PRKAR2A: variants seen among roughly 807,000 people sequenced by gnomAD.
PRKAR2A encodes the protein protein kinase cAMP-dependent type II regulatory subunit alpha.
A neutral mutation model predicts 51.9 loss-of-function variants in PRKAR2A; 29 were observed. The observed-to-expected ratio is 0.56, with a 90% CI of 0.42 to 0.76. The LOEUF is 0.76. Ranked by LOEUF, PRKAR2A falls within the 30% of genes least tolerant of loss-of-function variation. The pLI is 0.00. For missense variants in PRKAR2A, 445 were observed against 512.1 expected (o/e 0.87, Z 1.26); for synonymous variants, 178 against 186.2 (o/e 0.96, Z 0.36).
intron 6 of PRKAR2A, 100 bp downstream of exon 6, chr3:48,772,855 G>C (rs997079884): frequency 5.5e-5 from 68 of 1,231,474 alleles, no homozygotes; most frequent in Non-Finnish European, 7.0e-5. Flanking sequence ...TGTTAGCCAG[G>C]ATGGCTGTAA....
At chr3:48,842,011 C>A (rs909095541) in intron 1 of PRKAR2A, among the ~76,000 whole-genome samples, 1 of 152,084 alleles carries the variant, frequency 6.6e-6, no homozygotes, top group Non-Finnish European at 1.5e-5. Context: ...GACAGTATGG[C>A]CATTTTCACT....
At position 48,751,136 on chromosome 3, in the gene PRKAR2A, G is replaced by T; in HGVS notation, c.*449C>A. ...TGGACTTCCTCAAAGGACAAATGAG[G>T]AGACTGAAGGCTACATTTCCTCCTT... On this transcript the variant is annotated 3_prime_UTR_variant, in exon 11 of 11. Coordinates refer to ENST00000265563, the MANE Select transcript of PRKAR2A (RefSeq NM_004157.4). 2.8e-6 allele frequency: 1 copy of T among 358,722 alleles called. No homozygotes were observed. Among genetic ancestry groups the T allele is most frequent in the Non-Finnish European group, 5.5e-6 (1 of 181,696 alleles). 22.2% of individuals were successfully genotyped at this position (358,722 alleles called of 1,614,324 possible).
At position 48,790,631 on chromosome 3, in the gene PRKAR2A, C is replaced by T. The variant is rs372227280; in HGVS notation, c.352-4G>A. On this transcript the variant is annotated splice_polypyrimidine_tract_variant and splice_region_variant and intron_variant, in intron 3 of 10. Transcript: ENST00000265563. ...CATCAGTTTTAGGATGAATCACCTGCCAATCCAAATAAAACCATGGAAACT... is the reference window on the plus strand; with the variant it reads ...CATCAGTTTTAGGATGAATCACCTGTCAATCCAAATAAAACCATGGAAACT... 426 of 1,437,798 alleles carry T rather than the reference C, an allele frequency of 3.0e-4. No individual in the cohort carries two copies. The highest frequency in any genetic ancestry group is 3.6e-4 in the Non-Finnish European group (395 of 1,085,094). The allele number at this position is 1,437,798 out of a possible 1,614,324, so 89.1% of individuals were successfully genotyped here. A position where few individuals can be genotyped will look rare whatever the true frequency, so the allele number is the denominator to read the frequency against.
intron 1 of PRKAR2A, among the ~76,000 whole-genome samples, chr3:48,837,994 C>G (rs1206193928): frequency 1.3e-5 from 2 of 151,888 alleles, no homozygotes; most frequent in Non-Finnish European, 2.9e-5. Context: ...CTGGCTAACA[C>G]AGGGAAACCC....
intron 5 of PRKAR2A, among the ~76,000 whole-genome samples, chr3:48,781,422 A>G (rs542806098): frequency 1.4e-4 from 21 of 147,746 alleles, no homozygotes; most frequent in Admixed American, 6.1e-4. Flanking sequence ...GCTCACTGTA[A>G]CCTCCACCTC....
chr3:48,789,539 G>C (rs1176859813), intron 4 of PRKAR2A, among the ~76,000 whole-genome samples: 1 of 148,212 alleles, frequency 6.7e-6, no homozygotes, highest in African/African-American at 2.5e-5. Context: ...CACCCAGGCT[G>C]GAGTGCAATG....
chr3:48,847,329 G>A lies in PRKAR2A; in HGVS notation c.262+6C>T, dbSNP rs1482867966. 1.8e-5 allele frequency: 29 copies of A among 1,613,248 alleles called. No homozygotes were observed. The highest frequency in any genetic ancestry group is 2.5e-5 in the Non-Finnish European group (29 of 1,179,654). On this transcript the variant is annotated splice_donor_region_variant and intron_variant, in intron 1 of 10. Transcript: ENST00000265563. The surrounding 1 kb of genome is among the most constrained non-coding windows in gnomAD (Gnocchi z 4.4). Reference sequence around the variant, plus strand: ...ACCACTCCCCAGGGCCCCGCCCACAGCCTACCTTCCAAGTCCTCGTCCTCC... The same window carrying A: ...ACCACTCCCCAGGGCCCCGCCCACAACCTACCTTCCAAGTCCTCGTCCTCC...
At chr3:48,809,655 A>G (rs2082740289) in intron 1 of PRKAR2A, among the ~76,000 whole-genome samples, 1 of 151,116 alleles carries the variant, frequency 6.6e-6, no homozygotes. Flanking sequence ...TTAATGTGTC[A>G]GTGCTTGCTC....
intron 1 of PRKAR2A, among the ~76,000 whole-genome samples, chr3:48,818,806 T>G (rs1255811053): frequency 6.6e-6 from 1 of 152,002 alleles, no homozygotes; most frequent in African/African-American, 2.4e-5. Flanking sequence ...TCAATAAGGG[T>G]AGTACTACTT....
chr3:48,847,121 C>G lies in PRKAR2A; in HGVS notation c.262+214G>C, dbSNP rs895544066. 1.3e-5 allele frequency among the ~76,000 whole-genome samples: 2 copies of G among 152,216 alleles called. No homozygotes were observed. Among genetic ancestry groups the G allele is most frequent in the African/African-American group, 4.8e-5 (2 of 41,466 alleles). On this transcript the variant is annotated intron_variant, in intron 1 of 10. Transcript: ENST00000265563. The surrounding 1 kb of genome is among the most constrained non-coding windows in gnomAD (Gnocchi z 4.4). ...GCTGGATCTGACAAATCACTCGGTG[C>G]GCTCTAGGGCTCGCAGGATCGCGGA...
chr3:48,847,423 G>T lies in PRKAR2A; in HGVS notation c.174C>A (p.Ser58Arg). The change falls in exon 1 of 11, where the codon AGC becomes AGA. Residue 58 changes from serine (S) to arginine (R), a missense_variant. By Grantham distance (110) the Ser-to-Arg change is moderately radical. Coordinates refer to ENST00000265563, the MANE Select transcript of PRKAR2A (RefSeq NM_004157.4). The surrounding 1 kb of genome is among the most constrained non-coding windows in gnomAD (Gnocchi z 4.4). ...SVLPAATPRQ[S>R]LGHPPPEPGP... ...CGGGTTCTGGCGGGGGGTGGCCCAG[G>T]CTCTGGCGTGGGGTGGCGGCGGGCA... 6.3e-7 allele frequency: 1 copy of T among 1,594,360 alleles called. No individual in the cohort carries two copies. The highest frequency in any genetic ancestry group is 1.7e-5 in the Admixed American group (1 of 57,164).
At chr3:48,809,651 T>C (rs1291266437) in intron 1 of PRKAR2A, among the ~76,000 whole-genome samples, 1 of 149,660 alleles carries the variant, frequency 6.7e-6, no homozygotes, top group African/African-American at 2.5e-5. Context: ...AGACTTAATG[T>C]GTCAGTGCTT....
chr3:48,801,890 C>G, intron 2 of PRKAR2A, among the ~76,000 whole-genome samples: 1 of 152,094 alleles, frequency 6.6e-6, no homozygotes, highest in Non-Finnish European at 1.5e-5. Flanking sequence ...CATGTGCCAG[C>G]TAACTTTGTG....
At chr3:48,825,955 C>T (rs1164069971) in intron 1 of PRKAR2A, among the ~76,000 whole-genome samples, 1 of 152,170 alleles carries the variant, frequency 6.6e-6, no homozygotes, top group African/African-American at 2.4e-5. Flanking sequence ...TCCCAGGCCA[C>T]CTGTACTTCT....
chr3:48,801,994 C>A (rs777652724), intron 2 of PRKAR2A, among the ~76,000 whole-genome samples: 3 of 152,134 alleles, frequency 2.0e-5, no homozygotes, highest in Admixed American at 1.3e-4. Flanking sequence ...ACTGCAAACT[C>A]TGCCTCCCGG....
At chr3:48,753,293 G>GT (rs145148583) in intron 9 of PRKAR2A, among the ~76,000 whole-genome samples, 2,843 of 144,866 alleles carry the variant, frequency 0.02, 91 homozygotes, top group African/African-American at 0.066. Context: ...ATATCTAGAG[G>GT]TTTTTTTTTT....
At chr3:48,844,253 C>T (rs2083424856) in intron 1 of PRKAR2A, among the ~76,000 whole-genome samples, 1 of 152,168 alleles carries the variant, frequency 6.6e-6, no homozygotes, top group South Asian at 2.1e-4. Context: ...TCATCACTGG[C>T]CATCAGAGAA....
intron 1 of PRKAR2A, among the ~76,000 whole-genome samples, chr3:48,837,504 T>C (rs2083304081): frequency 2.6e-5 from 4 of 152,192 alleles, no homozygotes; most frequent in African/African-American, 9.7e-5. Context: ...CTGGTTGGAA[T>C]GTAAAATGGT....
chr3:48,772,854 G>T, intron 6 of PRKAR2A, 101 bp downstream of exon 6: 2 of 1,231,020 alleles, frequency 1.6e-6, no homozygotes, highest in Admixed American at 2.6e-5. Context: ...GTGTTAGCCA[G>T]GATGGCTGTA....
Sources: allele counts gnomAD v4.1 joint callset (sites outside exome capture counted in the v4.1 genomes callset), GRCh38; gene constraint gnomAD v4.1.1; non-coding constraint Gnocchi (gnomAD v3.1); transcripts MANE v1.5; gene names NCBI Gene and HGNC (gene_info 2026-07-23, HGNC 2026-07-21).